Variants in MID1 observed in about 807,000 individuals in gnomAD.
MID1 encodes E3 ubiquitin-protein ligase Midline-1.
In MID1, 7 loss-of-function variants were observed where a neutral mutation model predicts 40.4. That is an observed-to-expected ratio of 0.17 (90% confidence interval 0.10 to 0.33). The LOEUF (loss-of-function observed/expected upper bound fraction) is 0.33. MID1 is among the 10% of genes least tolerant of loss of function. The pLI, the probability that MID1 is intolerant of heterozygous loss-of-function variation, is 1.00. For missense variants in MID1, 367 were observed against 558.5 expected, an observed-to-expected ratio of 0.66 and a Z score of 3.46; for synonymous variants, 229 against 221.2, an observed-to-expected ratio of 1.04 and a Z score of -0.31.
intron 1 of MID1, among the ~76,000 whole-genome samples, chrX:10,659,834 TG>T (rs1211680756): frequency 1.8e-5 from 2 of 112,065 alleles, no homozygotes. Flanking sequence ...GTGGGGTTCA[TG>T]TCCTTATGAT....
intron 1 of MID1, among the ~76,000 whole-genome samples, chrX:10,704,992 G>A (rs1013174627): frequency 9.1e-6 from 1 of 110,471 alleles, no homozygotes. Context: ...TTGAACTCCT[G>A]ACCTCGTGAT....
chrX:10,510,476 C>T (rs1049591916), intron 3 of MID1, among the ~76,000 whole-genome samples: 2 of 111,514 alleles, frequency 1.8e-5, no homozygotes, highest in East Asian at 2.8e-4. Context: ...AATCCTAACA[C>T]GTTATACCTT....
chrX:10,823,428 T>G (rs929696351), intron 1 of MID1, among the ~76,000 whole-genome samples: 1 of 111,406 alleles, frequency 9.0e-6, no homozygotes, highest in African/African-American at 3.3e-5. Context: ...GGCACATGTT[T>G]ACCTATGTAA....
chrX:10,554,484 T>C (rs910328587), intron 2 of MID1, among the ~76,000 whole-genome samples: 9 of 112,235 alleles, frequency 8.0e-5, no homozygotes, highest in African/African-American at 2.6e-4. Flanking sequence ...GCCTAATATG[T>C]TATCAGATGA....
At chrX:10,535,959 A>G (rs1240420096) in intron 2 of MID1, among the ~76,000 whole-genome samples, 1 of 111,064 alleles carries the variant, frequency 9.0e-6, no homozygotes, top group Non-Finnish European at 1.9e-5. Flanking sequence ...ATGGTGACAC[A>G]CACCTGTCCC....
intron 1 of MID1, among the ~76,000 whole-genome samples, chrX:10,583,497 A>C (rs955422714): frequency 8.9e-6 from 1 of 112,364 alleles, no homozygotes; most frequent in African/African-American, 3.2e-5. Flanking sequence ...GCTTAGTTTC[A>C]GATTGCCTCA....
chrX:10,498,092 G>A (rs1479713419), intron 3 of MID1, among the ~76,000 whole-genome samples: 1 of 111,077 alleles, frequency 9.0e-6, no homozygotes, highest in African/African-American at 3.3e-5. Context: ...TGAGGGGGAG[G>A]GAGGAAGGGA....
intron 1 of MID1, among the ~76,000 whole-genome samples, chrX:10,682,596 T>C (rs765598784): frequency 9.0e-6 from 1 of 111,641 alleles, no homozygotes; most frequent in African/African-American, 3.3e-5. Flanking sequence ...AAATTAGTCA[T>C]ACCTCAGTGA....
intron 1 of MID1, among the ~76,000 whole-genome samples, chrX:10,604,357 T>C (rs1445276262): frequency 9.0e-6 from 1 of 111,694 alleles, no homozygotes; most frequent in Non-Finnish European, 1.9e-5. Flanking sequence ...ACACAGGCAG[T>C]ATGTACTTTT....
chrX:10,722,962 AAT>A (rs2043367363), intron 1 of MID1, among the ~76,000 whole-genome samples: 1 of 111,392 alleles, frequency 9.0e-6, no homozygotes, highest in Non-Finnish European at 1.9e-5. Flanking sequence ...ATGGAGGTAT[AAT>A]GGTGCCCTCT....
chrX:10,700,553 A>T (rs1340473682), intron 1 of MID1, among the ~76,000 whole-genome samples: 2 of 111,689 alleles, frequency 1.8e-5, no homozygotes, highest in African/African-American at 6.5e-5. Flanking sequence ...ACCCTGTCTC[A>T]AAAAAAGAAA....
chrX:10,677,534 T>C (rs1422104006), intron 1 of MID1: 1 of 112,852 alleles, frequency 8.9e-6, no homozygotes, highest in African/African-American at 3.2e-5. Flanking sequence ...GGCAGTCTTC[T>C]ACATTTTGCA....
chrX:10,497,488 T>G (rs1028347262), intron 3 of MID1, among the ~76,000 whole-genome samples: 2 of 111,688 alleles, frequency 1.8e-5, no homozygotes, highest in African/African-American at 6.5e-5. Context: ...CAACTTGGCC[T>G]ACCTTCAGCA....
At chrX:10,753,964 C>T (rs1383336970) in intron 1 of MID1, among the ~76,000 whole-genome samples, 1 of 112,440 alleles carries the variant, frequency 8.9e-6, no homozygotes, top group Non-Finnish European at 1.9e-5. Context: ...ACAATAACTT[C>T]TGTAGTGGGA....
chrX:10,503,418 T>C (rs1277621710), intron 3 of MID1, among the ~76,000 whole-genome samples: 2 of 112,174 alleles, frequency 1.8e-5, no homozygotes, highest in Non-Finnish European at 3.8e-5. Flanking sequence ...AGAGAGAGAA[T>C]GGCCTGGCTC....
intron 1 of MID1, among the ~76,000 whole-genome samples, chrX:10,800,724 G>A (rs753225352): frequency 9.0e-6 from 1 of 111,564 alleles, no homozygotes; most frequent in East Asian, 2.8e-4. Flanking sequence ...CTGTTCCCTG[G>A]GCCTAATTCC....
intron 1 of MID1, among the ~76,000 whole-genome samples, chrX:10,699,825 C>CTT (rs768645495): frequency 2.0e-5 from 2 of 102,224 alleles, no homozygotes. Flanking sequence ...TAGCTCAATA[C>CTT]TTTTTTTTTT....
chrX:10,590,218 G>GT (rs1242786739), intron 1 of MID1, among the ~76,000 whole-genome samples: 2 of 111,829 alleles, frequency 1.8e-5, no homozygotes, highest in Non-Finnish European at 3.8e-5. Context: ...TTCAGGTCTG[G>GT]TTCCTTGGTT....
chrX:10,571,593 T>C (rs746377434), intron 1 of MID1, among the ~76,000 whole-genome samples: 2 of 108,597 alleles, frequency 1.8e-5, no homozygotes, highest in African/African-American at 6.7e-5. Flanking sequence ...CCTGTCTCCA[T>C]GATCTTATGG....
Sources: allele counts gnomAD v4.1 joint callset (sites outside exome capture counted in the v4.1 genomes callset), GRCh38; gene constraint gnomAD v4.1.1; transcripts MANE v1.5; gene names NCBI Gene and HGNC (gene_info 2026-07-23, HGNC 2026-07-21).